Variants in C19orf44 observed in about 807,000 individuals in gnomAD.
The protein encoded by C19orf44 is chromosome 19 open reading frame 44.
C19orf44 carries 43 observed loss-of-function variants against 50.7 expected under a neutral mutation model. The observed-to-expected ratio is 0.85, with a 90% CI of 0.66 to 1.09. The LOEUF (loss-of-function observed/expected upper bound fraction) is 1.09, where lower values mean the gene tolerates loss of function less well. C19orf44 is among the 50% of genes least tolerant of loss of function. The pLI, the probability that C19orf44 is intolerant of heterozygous loss-of-function variation, is 0.00. For synonymous variants in C19orf44, 298 were observed against 334.7 expected (o/e 0.89, Z 1.20); for missense variants, 722 against 836.2 (o/e 0.86, Z 1.68).
intron 7 of C19orf44, 47 bp downstream of exon 7, chr19:16,514,710 C>T (rs1417333376): frequency 2.7e-6 from 4 of 1,471,414 alleles, no homozygotes; most frequent in Non-Finnish European, 1.8e-6. Context: ...AGGGGAGCGG[C>T]AGCTCCCAGA....
intron 4 of C19orf44, among the ~76,000 whole-genome samples, chr19:16,507,980 T>C (rs900683424): frequency 7.9e-5 from 12 of 151,572 alleles, no homozygotes; most frequent in African/African-American, 2.9e-4. Context: ...ATTTTTTTTG[T>C]ATTTTTAGTA....
At chr19:16,503,529 G>T in intron 3 of C19orf44, 149 bp downstream of exon 3, 1 of 795,034 alleles carries the variant, frequency 1.3e-6, no homozygotes. Context: ...TTCTTGTCTG[G>T]TTGAGGGGCC....
At chr19:16,507,172 C>T (rs1385964309) in intron 4 of C19orf44, among the ~76,000 whole-genome samples, 1 of 152,148 alleles carries the variant, frequency 6.6e-6, no homozygotes, top group Non-Finnish European at 1.5e-5. Flanking sequence ...ACCGGGTGGC[C>T]CCCAGCTGCC....
rs529997239 is a variant in C19orf44, at chr19:16,509,703, A to C, written c.1354A>C (p.Met452Leu). Residue 452 changes from methionine (M) to leucine (L), a missense_variant, in exon 5 of 9, where the codon ATG becomes CTG. Physicochemically the swap from Met to Leu is conservative, Grantham distance 15. Transcript: ENST00000221671. ...SAIQQDSTSS[M>L]QPPSEAPMVN... ...CATCCAGCAGGACAGCACTTCCAGC[A>C]TGCAGCCACCATCTGAAGCCCCCAT... 5.4e-5 allele frequency: 87 copies of C among 1,614,246 alleles called. No individual in the cohort carries two copies. The South Asian group carries it at 7.1e-4, about 13-fold the overall frequency.
intron 5 of C19orf44, 37 bp downstream of exon 5, chr19:16,510,025 G>T: frequency 6.2e-7 from 1 of 1,613,908 alleles, no homozygotes; most frequent in Non-Finnish European, 8.5e-7. Flanking sequence ...GGGCAGCCGG[G>T]ACAGGAGCTC....
At chr19:16,497,053 C>G (rs1443257318) in intron 1 of C19orf44, among the ~76,000 whole-genome samples, 1 of 152,102 alleles carries the variant, frequency 6.6e-6, no homozygotes, top group African/African-American at 2.4e-5. Context: ...GGGAGGATTG[C>G]TTGTGTCCAG....
intron 8 of C19orf44, chr19:16,518,058 A>G (rs1297060680): frequency 6.6e-6 from 1 of 152,194 alleles, no homozygotes; most frequent in Non-Finnish European, 1.5e-5. Context: ...AAAAGTTGGA[A>G]GATTTTGCAT....
Position 16,514,724 on chromosome 19 carries a change from C to A in C19orf44, c.1902+61C>A, listed in dbSNP as rs535701844. ...TAGGGGAGCGGCAGCTCCCAGAGGC[C>A]GGGCCGAAGGGATATGGGCCGGGGC... On this transcript the variant is annotated intron_variant, in intron 7 of 8. Coordinates refer to ENST00000221671, the MANE Select transcript of C19orf44 (RefSeq NM_032207.4). The A allele has an allele frequency of 6.9e-6, 10 of 1,448,294 alleles. No homozygotes were observed. The East Asian group carries it at 1.9e-4, about 27-fold the overall frequency. The allele number at this position is 1,448,294 out of a possible 1,614,324, so 89.7% of individuals were successfully genotyped here. A position where few individuals can be genotyped will look rare whatever the true frequency, so the allele number is the denominator to read the frequency against.
chr19:16,505,526 T>TTA (rs1846686805), intron 3 of C19orf44, among the ~76,000 whole-genome samples: 2 of 152,100 alleles, frequency 1.3e-5, no homozygotes, highest in South Asian at 4.2e-4. Flanking sequence ...TCTTCTGTCT[T>TTA]TATAAAGCTT....
At position 16,519,134 on chromosome 19, in the gene C19orf44, C is replaced by T. The variant is rs771816080; in HGVS notation, c.*41-960C>T. On this transcript the variant is annotated intron_variant, in intron 8 of 8. Transcript: ENST00000221671. The surrounding 1 kb of genome is among the most constrained non-coding windows in gnomAD (Gnocchi z 6.0). ...GTCCCACAGCCGGCACCGCTGGCCA[C>T]CGGCGCGGCTCCCGGCATGGGCGCC... 2 of 1,601,076 alleles carry T rather than the reference C, an allele frequency of 1.2e-6. No homozygotes were observed. The highest frequency in any genetic ancestry group is 1.3e-5 in the African/African-American group (1 of 74,634).
Position 16,509,625 on chromosome 19 carries a change from G to A in C19orf44, c.1276G>A (p.Glu426Lys). 6.2e-7 allele frequency: 1 copy of A among 1,614,256 alleles called. No homozygotes were observed. Among genetic ancestry groups the A allele is most frequent in the Non-Finnish European group, 8.5e-7 (1 of 1,180,052 alleles). The change falls in exon 5 of 9, where the codon GAG (glutamate) becomes AAG (lysine). Residue 426 changes from glutamate (E) to lysine (K), a missense_variant. Transcript: ENST00000221671. Reference protein sequence around the residue: ...WASQGKAASAEGDESEVSEHL... With the variant: ...WASQGKAASAKGDESEVSEHL... ...ATCACAGGGAAAGGCCGCCTCTGCAGAGGGGGATGAGAGCGAGGTCTCGGA... is the reference window on the plus strand; with the variant it reads ...ATCACAGGGAAAGGCCGCCTCTGCAAAGGGGGATGAGAGCGAGGTCTCGGA...
chr19:16,506,558 A>C (rs2093441082), intron 3 of C19orf44, 143 bp from the exon 4 acceptor site: 2 of 518,942 alleles, frequency 3.9e-6, no homozygotes, highest in East Asian at 7.2e-5. Flanking sequence ...GTGCCACTGC[A>C]CTCCAGCCTG....
At chr19:16,502,236 C>CTTTT (rs56319712) in intron 2 of C19orf44, among the ~76,000 whole-genome samples, 1 of 106,726 alleles carries the variant, frequency 9.4e-6, no homozygotes, top group Non-Finnish European at 1.8e-5. Context: ...TCTTTCTTTC[C>CTTTT]TTTTTTTTTT....
In C19orf44 at chr19:16,501,548, T is replaced by C; in HGVS notation, c.756T>C (p.Phe252=). Residue 252 remains phenylalanine, a synonymous_variant, in exon 2 of 9, where the codon TTT becomes TTC. Coordinates refer to ENST00000221671, the MANE Select transcript of C19orf44 (RefSeq NM_032207.4). ...NVSEEEERKL[F]SVPSQLRAFT... ...GCGAGGAAGAAGAAAGAAAACTATT[T>C]TCGGTGAGATTTTTTTTTTTTGGTA... is the stretch of plus-strand genomic sequence containing the variant. 3 of 1,386,888 alleles carry C rather than the reference T, an allele frequency of 2.2e-6. No homozygotes were observed. Among genetic ancestry groups the C allele is most frequent in the South Asian group, 1.9e-5 (1 of 52,306 alleles). The allele number at this position is 1,386,888 out of a possible 1,614,324, so 85.9% of individuals were successfully genotyped here. A position where few individuals can be genotyped will look rare whatever the true frequency, so the allele number is the denominator to read the frequency against.
chr19:16,520,279 T>G lies in C19orf44; in HGVS notation c.*226T>G. ...CTGCTCCGACTTCTGCAGGGAAGGGTGCCCAAGGGTCAGCAGCAGCCAGGC... is the reference window on the plus strand; with the variant it reads ...CTGCTCCGACTTCTGCAGGGAAGGGGGCCCAAGGGTCAGCAGCAGCCAGGC... On this transcript the variant is annotated 3_prime_UTR_variant, in exon 9 of 9. Transcript: ENST00000221671. The surrounding 1 kb of genome is among the most constrained non-coding windows in gnomAD (Gnocchi z 4.0). 5 of 1,612,472 alleles carry G rather than the reference T, an allele frequency of 3.1e-6. No individual in the cohort carries two copies. The highest frequency in any genetic ancestry group is 4.2e-6 in the Non-Finnish European group (5 of 1,179,656).
chr19:16,499,845 A>C (rs1207548788), intron 1 of C19orf44, among the ~76,000 whole-genome samples: 4 of 151,228 alleles, frequency 2.6e-5, no homozygotes, highest in African/African-American at 9.7e-5. Context: ...GCTGGAGTGC[A>C]GTGGTGTGAT....
At chr19:16,505,775 G>A (rs11882352) in intron 3 of C19orf44, among the ~76,000 whole-genome samples, 174 of 151,884 alleles carry the variant, frequency 1.1e-3, no homozygotes, top group African/African-American at 4.1e-3. Flanking sequence ...CTCCAACTCC[G>A]GGTTCAAGCG....
chr19:16,517,037 G>A (rs1375158796), intron 7 of C19orf44, among the ~76,000 whole-genome samples, 193 bp from the exon 8 acceptor site: 3 of 152,198 alleles, frequency 2.0e-5, no homozygotes, highest in Non-Finnish European at 4.4e-5. Flanking sequence ...ACCCCTCGCA[G>A]GGCTGACCCT....
At chr19:16,500,667 G>A (rs892767341) in intron 1 of C19orf44, 125 bp from the exon 2 acceptor site, 1 of 957,436 alleles carries the variant, frequency 1.0e-6, no homozygotes, top group Non-Finnish European at 1.5e-6. Context: ...GTCATCCTTG[G>A]GCTTGAAGGG....
Sources: gnomAD v4.1 joint callset for allele counts (sites outside exome capture counted in the v4.1 genomes callset) on GRCh38, gnomAD v4.1.1 for gene constraint, Gnocchi (gnomAD v3.1) non-coding constraint, MANE v1.5 for transcripts, NCBI Gene and HGNC (gene_info 2026-07-23, HGNC 2026-07-21) for gene names.